The following ASAP1 variants were observed in gnomAD, a reference collection of about 807,000 sequenced individuals.
ASAP1 encodes the protein arf-GAP with SH3 domain, ANK repeat and PH domain-containing protein 1.
Under a neutral mutation model 145.2 loss-of-function variants are expected in ASAP1, and 43 were observed. The ratio of observed to expected loss-of-function variants is 0.30; its 90% CI spans 0.23 to 0.38. The LOEUF is 0.38. Ranked by LOEUF, ASAP1 falls within the 10% of genes least tolerant of loss-of-function variation. The pLI, the probability that ASAP1 is intolerant of heterozygous loss-of-function variation, is 1.00. For missense variants in ASAP1, 1,018 were observed against 1,355.3 expected (o/e 0.75, Z 3.91); for synonymous variants, 546 against 515.5 (o/e 1.06, Z -0.80).
intron 13 of ASAP1, among the ~76,000 whole-genome samples, chr8:130,147,124 G>GGCTGTGAC (rs374495059): frequency 8.5e-4 from 125 of 147,382 alleles, no homozygotes; most frequent in Middle Eastern, 7.1e-3. Context: ...CTACTCAGGA[G>GGCTGTGAC]GCTGTGACAT....
intron 28 of ASAP1, 73 bp downstream of exon 28, chr8:130,060,506 G>A: frequency 6.6e-7 from 1 of 1,516,386 alleles, no homozygotes; most frequent in Non-Finnish European, 8.8e-7. Context: ...GTGTAAGTTG[G>A]AGCACCTGCC....
intron 4 of ASAP1, among the ~76,000 whole-genome samples, chr8:130,227,883 T>G (rs377113599): frequency 2.6e-4 from 40 of 152,158 alleles, no homozygotes; most frequent in African/African-American, 8.9e-4. Flanking sequence ...GAAGAAATGT[T>G]AGCTGTATCT....
At chr8:130,303,640 A>G (rs1822808941) in intron 3 of ASAP1, among the ~76,000 whole-genome samples, 1 of 152,202 alleles carries the variant, frequency 6.6e-6, no homozygotes, top group Non-Finnish European at 1.5e-5. Flanking sequence ...TTAAATGCGT[A>G]CTGCTAAGTG....
chr8:130,343,636 C>T (rs1420396868), intron 3 of ASAP1, among the ~76,000 whole-genome samples: 1 of 152,184 alleles, frequency 6.6e-6, no homozygotes, highest in Non-Finnish European at 1.5e-5. Context: ...GCCTTTGAGC[C>T]TCTAACTCCA....
intron 1 of ASAP1, among the ~76,000 whole-genome samples, chr8:130,427,043 G>A (rs2138746609): frequency 6.6e-6 from 1 of 152,318 alleles, no homozygotes; most frequent in South Asian, 2.1e-4. Context: ...GGAGTGTCTA[G>A]GATGAGGATA....
chr8:130,093,380 G>A (rs890299928), intron 24 of ASAP1, among the ~76,000 whole-genome samples: 2 of 152,026 alleles, frequency 1.3e-5, no homozygotes, highest in African/African-American at 4.8e-5. Flanking sequence ...AGAAAAAAAA[G>A]CTAGGACCAG....
In ASAP1 at chr8:130,144,636, G is replaced by GT. The variant is rs537741840; in HGVS notation, c.1081-7599dup. Among the ~76,000 whole-genome samples, 181 of 152,180 alleles carry GT rather than the reference G, an allele frequency of 1.2e-3. 1 individual carries two copies. The highest frequency in any genetic ancestry group is 4.2e-3 in the African/African-American group (174 of 41,502). On this transcript the variant is annotated intron_variant, in intron 13 of 29. Transcript: ENST00000518721. ...TCCCTCATCTTCCCTCCAGATGCACGTTCCAAATTCCAAACTTATTACTCT... is the reference window on the plus strand; with the variant it reads ...TCCCTCATCTTCCCTCCAGATGCACGTTTCCAAATTCCAAACTTATTACTCT...
At chr8:130,181,955 T>C (rs1478896980) in intron 7 of ASAP1, among the ~76,000 whole-genome samples, 1 of 152,332 alleles carries the variant, frequency 6.6e-6, no homozygotes, top group African/African-American at 2.4e-5. Flanking sequence ...TCCTTACCTA[T>C]ACACAGACAT....
At position 130,408,168 on chromosome 8, in the gene ASAP1, T is replaced by C. The variant is rs2138621290; in HGVS notation, c.-27-6198A>G. On this transcript the variant is annotated intron_variant, in intron 1 of 29. Transcript: ENST00000518721. ...ACTCTAACAGCACTGCTAATAACCA[T>C]AGCAACCCCTTATTGTTGTTTTATG... Among the ~76,000 whole-genome samples the C allele has an allele frequency of 1.3e-5, 2 of 152,306 alleles. 1 individual carries two copies. Among genetic ancestry groups the C allele is most frequent in the South Asian group, 4.1e-4 (2 of 4,826 alleles).
At chr8:130,175,603 C>T (rs1813896311) in intron 9 of ASAP1, among the ~76,000 whole-genome samples, 1 of 152,080 alleles carries the variant, frequency 6.6e-6, no homozygotes. Context: ...TTCTCCTATT[C>T]TGTGGGTTGT....
intron 8 of ASAP1, among the ~76,000 whole-genome samples, chr8:130,180,054 GAGGGAGGAGA>G (rs1814247623): frequency 7.0e-6 from 1 of 143,344 alleles, no homozygotes; most frequent in Non-Finnish European, 1.5e-5. Flanking sequence ...GGAAGGGAGG[GAGGGAGGAGA>G]AGGGGAAGGG....
intron 24 of ASAP1, among the ~76,000 whole-genome samples, chr8:130,093,824 T>C (rs911080531): frequency 1.3e-5 from 2 of 152,130 alleles, no homozygotes; most frequent in African/African-American, 4.8e-5. Flanking sequence ...GCCTCTTTCC[T>C]TGGTACAAAG....
chr8:130,364,594 T>C (rs1826865354), intron 2 of ASAP1, among the ~76,000 whole-genome samples: 1 of 152,202 alleles, frequency 6.6e-6, no homozygotes, highest in Admixed American at 6.5e-5. Flanking sequence ...TTGGGGTATA[T>C]GTGCGTGTGT....
At chr8:130,230,532 A>G (rs922357951) in intron 4 of ASAP1, among the ~76,000 whole-genome samples, 2 of 152,054 alleles carry the variant, frequency 1.3e-5, no homozygotes, top group African/African-American at 4.8e-5. Context: ...TTGACCCTTC[A>G]TTATTAAAAT....
At chr8:130,355,496 A>G (rs1160551776) in intron 3 of ASAP1, among the ~76,000 whole-genome samples, 1 of 152,202 alleles carries the variant, frequency 6.6e-6, no homozygotes, top group African/African-American at 2.4e-5. Context: ...CATATCACCA[A>G]AAAGTACCCA....
intron 11 of ASAP1, among the ~76,000 whole-genome samples, chr8:130,160,504 C>T (rs1328472828): frequency 6.6e-6 from 1 of 151,604 alleles, no homozygotes; most frequent in Non-Finnish European, 1.5e-5. Context: ...TACCTATAAC[C>T]ACATTTTTTA....
In ASAP1 at chr8:130,366,886, C is replaced by CTTTTTTTTTT. The variant is rs905755447; in HGVS notation, c.60-8753_60-8744dup. 2.1e-4 allele frequency among the ~76,000 whole-genome samples: 21 copies of CTTTTTTTTTT among 99,206 alleles called. 1 individual carries two copies. The highest frequency in any genetic ancestry group is 3.3e-4 in the Admixed American group (3 of 9,226). 65.1% of individuals were successfully genotyped at this position (99,206 alleles called of 152,430 possible). Reference sequence around the variant, plus strand: ...TCTAAACAGGTACTATGCTAGATTCCTTTTTTTTTTTTTTTTTTTTTTGAG... The same window carrying CTTTTTTTTTT: ...TCTAAACAGGTACTATGCTAGATTCCTTTTTTTTTTTTTTTTTTTTTTTTTTTTTTTTGAG... On this transcript the variant is annotated intron_variant, in intron 2 of 29. Coordinates refer to ENST00000518721, the MANE Select transcript of ASAP1 (RefSeq NM_018482.4).
chr8:130,305,154 ATCAT>A (rs1822916043), intron 3 of ASAP1, among the ~76,000 whole-genome samples: 1 of 152,076 alleles, frequency 6.6e-6, no homozygotes, highest in Non-Finnish European at 1.5e-5. Flanking sequence ...CTGCCCAACA[ATCAT>A]TCTCTCTTGT....
intron 24 of ASAP1, 72 bp from the exon 25 acceptor site, chr8:130,092,215 T>C: frequency 6.8e-7 from 1 of 1,464,964 alleles, no homozygotes; most frequent in Non-Finnish European, 9.2e-7. Context: ...CAGTATGAAA[T>C]CACTTCCACA....
Sources: gnomAD v4.1 joint callset for allele counts (sites outside exome capture counted in the v4.1 genomes callset) on GRCh38, gnomAD v4.1.1 for gene constraint, MANE v1.5 for transcripts, NCBI Gene and HGNC (gene_info 2026-07-23, HGNC 2026-07-21) for gene names.